The following INSC variants were observed in gnomAD, a reference collection of about 807,000 sequenced individuals.
INSC encodes the protein INSC spindle orientation adaptor protein.
INSC carries 67 observed loss-of-function variants against 58.6 expected under a neutral mutation model. The ratio of observed to expected loss-of-function variants is 1.14; its 90% CI spans 0.94 to 1.40. INSC has a LOEUF of 1.40. Among genes scored for constraint, INSC ranks in the 40% most tolerant of loss-of-function variants. The pLI, the probability that INSC is intolerant of heterozygous loss-of-function variation, is 0.00. For missense variants in INSC, 714 were observed against 692.0 expected (o/e 1.03, Z -0.36); for synonymous variants, 262 against 276.1 (o/e 0.95, Z 0.51).
intron 2 of INSC, among the ~76,000 whole-genome samples, chr11:15,159,642 T>C (rs1007364154): frequency 3.3e-5 from 5 of 152,184 alleles, no homozygotes; most frequent in Non-Finnish European, 7.3e-5. Context: ...CTTAAGAACA[T>C]ACAGTCTAGA....
intron 1 of INSC, among the ~76,000 whole-genome samples, chr11:15,142,185 C>T (rs1414939813): frequency 6.6e-6 from 1 of 152,198 alleles, no homozygotes; most frequent in Non-Finnish European, 1.5e-5. Flanking sequence ...AAATCCCTCC[C>T]TCCATTTGAG....
At chr11:15,123,322 C>A (rs1423974225) in intron 1 of INSC, among the ~76,000 whole-genome samples, 1 of 152,138 alleles carries the variant, frequency 6.6e-6, no homozygotes, top group African/African-American at 2.4e-5. Context: ...TGATGATGAG[C>A]TCTGTGAGTG....
chr11:15,161,321 T>G lies in INSC; in HGVS notation c.56+12091T>G, dbSNP rs1849010335. Among the ~76,000 whole-genome samples the G allele has an allele frequency of 2.0e-5, 3 of 152,170 alleles. No individual in the cohort carries two copies. The South Asian group carries it at 6.2e-4, about 32-fold the overall frequency. ...ACTATATTATACTGAACAGTTTGAT[T>G]AACAAAAAATGATATAGAACACGTC... On this transcript the variant is annotated intron_variant, in intron 2 of 12. Transcript: ENST00000379556.
At chr11:15,132,429 T>A (rs892412790) in intron 1 of INSC, among the ~76,000 whole-genome samples, 1 of 152,016 alleles carries the variant, frequency 6.6e-6, no homozygotes, top group Non-Finnish European at 1.5e-5. Context: ...GAAAACACAG[T>A]TAGGAGTCAC....
chr11:15,265,288 C>T, the INSC span, among the ~76,000 whole-genome samples: 1 of 152,138 alleles, frequency 6.6e-6, no homozygotes, highest in South Asian at 2.1e-4. Flanking sequence ...GGTCATCAAT[C>T]AAATTTCTTA....
intron 11 of INSC, among the ~76,000 whole-genome samples, chr11:15,239,663 T>TA (rs1250629657): frequency 6.6e-6 from 1 of 152,042 alleles, no homozygotes; most frequent in Non-Finnish European, 1.5e-5. Flanking sequence ...AGGTGACAGA[T>TA]AAAAAAAGAG....
At chr11:15,258,377 G>A in the INSC span, among the ~76,000 whole-genome samples, 1 of 152,184 alleles carries the variant, frequency 6.6e-6, no homozygotes, top group African/African-American at 2.4e-5. Flanking sequence ...GGCATAGAGA[G>A]AGATTTATTT....
chr11:15,173,611 TATACATATATGTATGTGTTCAC>T (rs2133817746), intron 2 of INSC, among the ~76,000 whole-genome samples: 1 of 152,292 alleles, frequency 6.6e-6, no homozygotes, highest in Admixed American at 6.5e-5. Context: ...TCTGTATACA[TATACATATATGTATGTGTTCAC>T]ATACATATGC....
At chr11:15,253,213 G>A in the INSC span, among the ~76,000 whole-genome samples, 8 of 152,078 alleles carry the variant, frequency 5.3e-5, no homozygotes, top group South Asian at 2.1e-4. Context: ...AATATTCCAC[G>A]CCCTTTGAAT....
chr11:15,169,431 T>C (rs1347986955), intron 2 of INSC, among the ~76,000 whole-genome samples: 1 of 152,230 alleles, frequency 6.6e-6, no homozygotes, highest in African/African-American at 2.4e-5. Flanking sequence ...GTTTCACCTA[T>C]CATCCTGGAG....
intron 1 of INSC, among the ~76,000 whole-genome samples, chr11:15,148,475 ACT>A (rs1261804148): frequency 3.3e-5 from 5 of 151,652 alleles, no homozygotes; most frequent in African/African-American, 1.2e-4. Context: ...TCATCTTGCA[ACT>A]CTCTGTTGGG....
chr11:15,218,770 G>C (rs1851323493), intron 7 of INSC, among the ~76,000 whole-genome samples: 1 of 152,052 alleles, frequency 6.6e-6, no homozygotes, highest in Non-Finnish European at 1.5e-5. Flanking sequence ...ACTTTCCTGG[G>C]GTCAAGAATC....
chr11:15,221,692 G>C (rs781637884), intron 8 of INSC, 44 bp downstream of exon 8: 2 of 1,541,908 alleles, frequency 1.3e-6, no homozygotes, highest in African/African-American at 2.7e-5. Context: ...AGAGGGCCTT[G>C]GCACAGTTGT....
At chr11:15,180,261 AAAAACAAACAAAAC>A (rs945090916) in intron 5 of INSC, among the ~76,000 whole-genome samples, 1 of 151,894 alleles carries the variant, frequency 6.6e-6, no homozygotes, top group African/African-American at 2.4e-5. Flanking sequence ...CCGTCTCAAA[AAAAACAAACAAAAC>A]AAAACAAACA....
At position 15,131,683 on chromosome 11, in the gene INSC, G is replaced by A. The variant is rs1372295756; in HGVS notation, c.-46+16680G>A. 2.0e-5 allele frequency among the ~76,000 whole-genome samples: 3 copies of A among 152,086 alleles called. No individual in the cohort carries two copies. In the East Asian group the frequency reaches 5.8e-4, roughly 29 times the overall value. On this transcript the variant is annotated intron_variant, in intron 1 of 12. Coordinates refer to ENST00000379556, the MANE Select transcript of INSC (RefSeq NM_001042536.3). ...CATCATTATTATATTTTCTTAATGG[G>A]CTGAACTTTTAATTTTTATATAGTG...
At chr11:15,155,667 A>T (rs1380298576) in intron 2 of INSC, among the ~76,000 whole-genome samples, 1 of 152,186 alleles carries the variant, frequency 6.6e-6, no homozygotes, top group African/African-American at 2.4e-5. Flanking sequence ...TTGTTCCTTT[A>T]CAGAGAACTC....
At chr11:15,169,371 T>C (rs2133806689) in intron 2 of INSC, among the ~76,000 whole-genome samples, 1 of 152,318 alleles carries the variant, frequency 6.6e-6, no homozygotes, top group Admixed American at 6.5e-5. Flanking sequence ...CGCTTTTCTT[T>C]CCACTTCCCA....
upstream of INSC, among the ~76,000 whole-genome samples, chr11:15,112,083 G>T (rs1211406567): frequency 6.6e-6 from 1 of 152,216 alleles, no homozygotes; most frequent in Non-Finnish European, 1.5e-5. Flanking sequence ...TGCTGCTGGT[G>T]TGTGTATACA....
chr11:15,121,462 C>A (rs927271579), intron 1 of INSC, among the ~76,000 whole-genome samples: 1 of 152,190 alleles, frequency 6.6e-6, no homozygotes, highest in East Asian at 1.9e-4. Context: ...TATGTCCTCT[C>A]CAGTTTTCAT....
Sources: gnomAD v4.1 joint callset for allele counts (sites outside exome capture counted in the v4.1 genomes callset) on GRCh38, gnomAD v4.1.1 for gene constraint, MANE v1.5 for transcripts, NCBI Gene and HGNC (gene_info 2026-07-23, HGNC 2026-07-21) for gene names.